RASSF5: variants seen among roughly 807,000 people sequenced by gnomAD.
RASSF5 encodes Ras association domain family member 5.
Under a neutral mutation model 40.5 loss-of-function variants are expected in RASSF5, and 25 were observed. The observed-to-expected ratio is 0.62, with a 90% CI of 0.45 to 0.86. The LOEUF is 0.86. Ranked by LOEUF, RASSF5 falls within the 40% of genes least tolerant of loss-of-function variation. The pLI is 0.00. For missense variants in RASSF5, 521 were observed against 572.8 expected (o/e 0.91, Z 0.92); for synonymous variants, 246 against 252.4 (o/e 0.97, Z 0.24).
chr1:206,581,884 G>C (rs1385325016), intron 2 of RASSF5, among the ~76,000 whole-genome samples: 6 of 152,102 alleles, frequency 3.9e-5, no homozygotes, highest in Non-Finnish European at 8.8e-5. Flanking sequence ...GTCACGGAGG[G>C]GGGGCCCTGT....
intron 1 of RASSF5, among the ~76,000 whole-genome samples, chr1:206,526,016 A>G (rs959722731): frequency 6.6e-6 from 1 of 152,060 alleles, no homozygotes; most frequent in Non-Finnish European, 1.5e-5. Flanking sequence ...CCGGCCTTGG[A>G]GGAACCTGCT....
At chr1:206,575,355 T>C (rs1378747400) in intron 2 of RASSF5, among the ~76,000 whole-genome samples, 2 of 152,208 alleles carry the variant, frequency 1.3e-5, no homozygotes, top group African/African-American at 4.8e-5. Context: ...TGCTAAGAGC[T>C]GAGAAAGAGG....
At chr1:206,529,458 A>T in intron 1 of RASSF5, 7 of 1,194,872 alleles carry the variant, frequency 5.9e-6, no homozygotes, top group Non-Finnish European at 8.5e-6. Context: ...CTGCATTATC[A>T]AGGAGAAGGC....
At chr1:206,545,953 ATT>A (rs369989700) in intron 2 of RASSF5, among the ~76,000 whole-genome samples, 54 of 125,092 alleles carry the variant, frequency 4.3e-4, no homozygotes, top group East Asian at 2.1e-3. Flanking sequence ...ATATAGCTAG[ATT>A]TTTTTTTTTT....
Position 206,587,324 on chromosome 1 carries a change from G to A in RASSF5, c.*346G>A, listed in dbSNP as rs1022287082. ...ACCAGCCGGCAAAGGAAGGAAGAAA[G>A]GTTTTAGAGCTGTGTGTTCTTTCTC... On this transcript the variant is annotated 3_prime_UTR_variant, in exon 6 of 6. Coordinates refer to ENST00000579436, the MANE Select transcript of RASSF5 (RefSeq NM_182663.4). 8.6e-6 allele frequency: 3 copies of A among 348,574 alleles called. No homozygotes were observed. Among genetic ancestry groups the A allele is most frequent in the African/African-American group, 6.4e-5 (3 of 46,638 alleles). The allele number at this position is 348,574 out of a possible 1,614,324, so 21.6% of individuals were successfully genotyped here.
intron 5 of RASSF5, chr1:206,586,568 T>G: frequency 2.8e-6 from 1 of 363,414 alleles, no homozygotes; most frequent in Non-Finnish European, 5.1e-6. Flanking sequence ...AACTTAAGAT[T>G]ATTGAGTTTC....
At chr1:206,548,470 G>A (rs1383967698) in intron 2 of RASSF5, among the ~76,000 whole-genome samples, 1 of 152,138 alleles carries the variant, frequency 6.6e-6, no homozygotes, top group East Asian at 1.9e-4. Flanking sequence ...TTACCATGGG[G>A]AGGGCACCAA....
rs528816313 is a variant in RASSF5, at chr1:206,529,700, G to A, written c.458-8472G>A. On this transcript the variant is annotated intron_variant, in intron 1 of 5. Transcript: ENST00000579436. The stretch of plus-strand genomic sequence containing the variant: ...AGGCTAAAGAACTTGCCACTAAACC[G>A]GGTTAAATGCACACTGTTGAGTTTT... 4.8e-5 allele frequency: 35 copies of A among 723,216 alleles called. No homozygotes were observed. In the East Asian group the frequency reaches 4.8e-4, roughly 10 times the overall value. 44.8% of individuals were successfully genotyped at this position (723,216 alleles called of 1,614,324 possible).
At chr1:206,567,076 C>G (rs1487183530) in intron 2 of RASSF5, among the ~76,000 whole-genome samples, 1 of 152,228 alleles carries the variant, frequency 6.6e-6, no homozygotes, top group Non-Finnish European at 1.5e-5. Context: ...AAAAATCCCA[C>G]TGAGTGAGCA....
At position 206,531,907 on chromosome 1, in the gene RASSF5, C is replaced by T. The variant is rs149241497; in HGVS notation, c.458-6265C>T. On this transcript the variant is annotated intron_variant, in intron 1 of 5. Coordinates refer to ENST00000579436, the MANE Select transcript of RASSF5 (RefSeq NM_182663.4). The surrounding 1 kb of genome is among the most constrained non-coding windows in gnomAD (Gnocchi z 4.7). ...ATAAATAAATAAATACAAAAATTAGCCAGGCATGGTGGCGGGTGCCTGTAA... is the reference window on the plus strand; with the variant it reads ...ATAAATAAATAAATACAAAAATTAGTCAGGCATGGTGGCGGGTGCCTGTAA... Among the ~76,000 whole-genome samples, 335 of 152,016 alleles carry T rather than the reference C, an allele frequency of 2.2e-3. 2 individuals are homozygous for T. Among genetic ancestry groups the T allele is most frequent in the African/African-American group, 7.8e-3 (324 of 41,456 alleles).
intron 2 of RASSF5, among the ~76,000 whole-genome samples, chr1:206,550,896 T>C (rs1667821508): frequency 6.6e-6 from 1 of 152,210 alleles, no homozygotes; most frequent in African/African-American, 2.4e-5. Context: ...CACAAATCCA[T>C]GTGCCTGCCC....
chr1:206,540,536 G>C (rs1667518929), intron 2 of RASSF5, among the ~76,000 whole-genome samples: 1 of 152,262 alleles, frequency 6.6e-6, no homozygotes, highest in South Asian at 2.1e-4. Flanking sequence ...GTTTGCTCCT[G>C]GGCTGGCCAG....
intron 2 of RASSF5, among the ~76,000 whole-genome samples, chr1:206,556,131 C>T (rs554096123): frequency 1.4e-4 from 21 of 152,296 alleles, no homozygotes; most frequent in African/African-American, 4.3e-4. Context: ...GTTTCCCTGC[C>T]GGGACTCCAG....
chr1:206,562,572 T>C (rs1220809198), intron 2 of RASSF5, among the ~76,000 whole-genome samples: 2 of 152,174 alleles, frequency 1.3e-5, no homozygotes, highest in Non-Finnish European at 2.9e-5. Flanking sequence ...CTTCCCAGTA[T>C]TGTCCGTCCT....
chr1:206,585,005 C>A (rs1026811524), intron 4 of RASSF5, 175 bp from the exon 5 acceptor site: 1 of 630,134 alleles, frequency 1.6e-6, no homozygotes, highest in Non-Finnish European at 2.8e-6. Context: ...TGAGCAGACA[C>A]CCAAGATAAA....
chr1:206,512,753 G>C (rs1243234105), intron 1 of RASSF5, among the ~76,000 whole-genome samples: 1 of 152,220 alleles, frequency 6.6e-6, no homozygotes, highest in Non-Finnish European at 1.5e-5. Context: ...TGTGAAGTGT[G>C]AGCAGGTCAG....
chr1:206,526,665 C>A (rs1419895257), intron 1 of RASSF5, among the ~76,000 whole-genome samples: 1 of 152,170 alleles, frequency 6.6e-6, no homozygotes, highest in East Asian at 1.9e-4. Flanking sequence ...ATCCTTCCAG[C>A]CCCCCTGCCT....
intron 2 of RASSF5, among the ~76,000 whole-genome samples, chr1:206,569,087 A>C (rs1281999861): frequency 6.6e-6 from 1 of 152,264 alleles, no homozygotes; most frequent in Non-Finnish European, 1.5e-5. Context: ...GTAGGGGCCA[A>C]GGCAGAGCTT....
chr1:206,540,016 G>T (rs1348907548), intron 2 of RASSF5, among the ~76,000 whole-genome samples: 2 of 152,242 alleles, frequency 1.3e-5, no homozygotes, highest in African/African-American at 4.8e-5. Flanking sequence ...CTTTAGAGCA[G>T]CAGGTCTCAA....
Sources: gnomAD v4.1 joint callset for allele counts (sites outside exome capture counted in the v4.1 genomes callset) on GRCh38, gnomAD v4.1.1 for gene constraint, Gnocchi (gnomAD v3.1) non-coding constraint, MANE v1.5 for transcripts, NCBI Gene and HGNC (gene_info 2026-07-23, HGNC 2026-07-21) for gene names.